The following CD5L variants were observed in gnomAD, a reference collection of about 807,000 sequenced individuals.
The protein encoded by CD5L is CD5 molecule like.
In CD5L, 39 loss-of-function variants were observed where a neutral mutation model predicts 40.8. The observed-to-expected ratio is 0.96, with a 90% CI of 0.74 to 1.25. CD5L has a LOEUF of 1.25. Among genes scored for constraint, CD5L ranks in the 50% most tolerant of loss-of-function variants. The pLI, the probability that CD5L is intolerant of heterozygous loss-of-function variation, is 0.00. For synonymous variants in CD5L, 192 were observed against 169.6 expected (o/e 1.13, Z -1.03); for missense variants, 433 against 435.9 (o/e 0.99, Z 0.06).
At chr1:157,837,935 C>T (rs569362031) in intron 2 of CD5L, among the ~76,000 whole-genome samples, 9 of 152,132 alleles carry the variant, frequency 5.9e-5, no homozygotes, top group African/African-American at 2.2e-4. Context: ...GCCACCACAC[C>T]TGGCTAATTT....
At chr1:157,839,291 T>C in intron 2 of CD5L, 93 bp downstream of exon 2, 1 of 1,266,320 alleles carries the variant, frequency 7.9e-7, no homozygotes, top group Non-Finnish European at 1.2e-6. Context: ...TGGGCCTGTT[T>C]TGAACAAGTC....
At chr1:157,840,700 T>C (rs1439366986) in intron 1 of CD5L, among the ~76,000 whole-genome samples, 3 of 152,154 alleles carry the variant, frequency 2.0e-5, no homozygotes, top group Non-Finnish European at 4.4e-5. Context: ...GCAAACGTGA[T>C]ATAGCCAGTA....
chr1:157,840,971 A>T (rs898555160), intron 1 of CD5L, among the ~76,000 whole-genome samples: 1 of 152,204 alleles, frequency 6.6e-6, no homozygotes, highest in Non-Finnish European at 1.5e-5. Context: ...ATAAAAGTGG[A>T]TGTGATTGAT....
At chr1:157,839,362 C>A in intron 2 of CD5L, 22 bp downstream of exon 2, 2 of 1,613,604 alleles carry the variant, frequency 1.2e-6, no homozygotes, top group Non-Finnish European at 1.7e-6. Flanking sequence ...GCCTCCCTCT[C>A]AGAAACCCCC....
At chr1:157,832,420 T>C (rs1557939512) in intron 5 of CD5L, among the ~76,000 whole-genome samples, 1 of 152,220 alleles carries the variant, frequency 6.6e-6, no homozygotes, top group East Asian at 1.9e-4. Flanking sequence ...TATCAGTTCT[T>C]ATCTAGTTCC....
At chr1:157,834,191 A>T (rs1247991517) in intron 4 of CD5L, among the ~76,000 whole-genome samples, 1 of 152,240 alleles carries the variant, frequency 6.6e-6, no homozygotes, top group Non-Finnish European at 1.5e-5. Context: ...ATGAGAGTTC[A>T]TGTTAATATA....
At chr1:157,832,625 A>G (rs1235676684) in intron 5 of CD5L, among the ~76,000 whole-genome samples, 1 of 152,138 alleles carries the variant, frequency 6.6e-6, no homozygotes, top group East Asian at 1.9e-4. Context: ...TAACTCTCTT[A>G]TGGGCATTCT....
intron 2 of CD5L, among the ~76,000 whole-genome samples, chr1:157,836,544 C>T (rs1272599832): frequency 1.3e-5 from 2 of 152,172 alleles, no homozygotes; most frequent in Admixed American, 1.3e-4. Context: ...GGAAAATCAT[C>T]CTCATGAAAG....
intron 1 of CD5L, among the ~76,000 whole-genome samples, chr1:157,840,910 T>C (rs1656353995): frequency 6.6e-6 from 1 of 152,132 alleles, no homozygotes; most frequent in African/African-American, 2.4e-5. Flanking sequence ...CACAAAAGTG[T>C]CCAGTTGAGA....
Position 157,831,659 on chromosome 1 carries a change from C to T in CD5L, c.*305G>A. 1 of 1,174,088 alleles carries T rather than the reference C, an allele frequency of 8.5e-7. No individual in the cohort carries two copies. 72.7% of individuals were successfully genotyped at this position (1,174,088 alleles called of 1,614,324 possible). A position where few individuals can be genotyped will look rare whatever the true frequency, so the allele number is the denominator to read the frequency against. On this transcript the variant is annotated 3_prime_UTR_variant, in exon 6 of 6. Coordinates refer to ENST00000368174, the MANE Select transcript of CD5L (RefSeq NM_005894.3). ...GACCAAAGTGACAGGTTTGAGGATT[C>T]CAGGCAGCTTGAGAAAAGGCAGGAA...
rs764766754 is a variant in CD5L at position 157,834,456 on chromosome 1, C to T, written c.669G>A (p.Trp223Ter). The T allele has an allele frequency of 2.8e-5, 45 of 1,614,070 alleles. No individual in the cohort carries two copies. The highest frequency in any genetic ancestry group is 4.0e-5 in the African/African-American group (3 of 74,936). Residue 223 changes from tryptophan (W) to a stop codon, truncating the protein, a stop_gained, in exon 4 of 6, where the codon TGG becomes TGA. Transcript: ENST00000368174. LOFTEE classifies it high-confidence loss of function. ...CATCATGGTTGCAGGTGTTCTTCCC[C>T]CAAGGCCCAGAAGGGCAATCCTGAA... is the stretch of plus-strand genomic sequence containing the variant. ...ATLQDCPSGPWGKNTCNHDED... is the reference protein window; with the variant it reads ...ATLQDCPSGP
intron 5 of CD5L, among the ~76,000 whole-genome samples, chr1:157,832,522 A>G (rs1224622280): frequency 6.6e-6 from 1 of 152,200 alleles, no homozygotes; most frequent in African/African-American, 2.4e-5. Flanking sequence ...CAGCGGCTGC[A>G]CTTGCATTTT....
downstream of CD5L, among the ~76,000 whole-genome samples, chr1:157,829,139 G>A (rs1185729825): frequency 6.6e-6 from 1 of 152,216 alleles, no homozygotes; most frequent in Non-Finnish European, 1.5e-5. Context: ...GGTTGTTAGA[G>A]GACAAGAGTA....
chr1:157,834,666 C>T lies in CD5L; in HGVS notation c.459G>A (p.Val153=), dbSNP rs1277450422. The change falls in exon 4 of 6, where the codon GTG becomes GTA. Residue 153 remains valine (V), a synonymous_variant. Coordinates refer to ENST00000368174, the MANE Select transcript of CD5L (RefSeq NM_005894.3). ...GPGHCKGRVE[V]KHQNQWYTVC... ...CGGTATACCACTGGTTCTGGTGCTT[C>T]ACTTCCACGCGTCCCTTGCAATGCC... The T allele has an allele frequency of 3.1e-6, 5 of 1,614,220 alleles. No homozygotes were observed. The highest frequency in any genetic ancestry group is 3.4e-6 in the Non-Finnish European group (4 of 1,180,036).
chr1:157,834,698 C>T lies in CD5L; in HGVS notation c.427G>A (p.Gly143Ser), dbSNP rs202024691. Reference protein sequence around the residue: ...PVPEGVRLADGPGHCKGRVEV... With the variant: ...PVPEGVRLADSPGHCKGRVEV... ...ACGCGTCCCTTGCAATGCCCAGGGC[C>T]GTCAGCCAGCCTGACACCCTCTGGG... Residue 143 changes from glycine (G) to serine (S), a missense_variant, in exon 4 of 6, where the codon GGC becomes AGC. Physicochemically the swap from Gly to Ser is moderately conservative, Grantham distance 56. Transcript: ENST00000368174. 159 of 1,614,154 alleles carry T rather than the reference C, an allele frequency of 9.9e-5. 5 individuals are homozygous for T. The South Asian group carries it at 1.7e-3, about 17-fold the overall frequency.
intron 2 of CD5L, among the ~76,000 whole-genome samples, chr1:157,837,660 T>C (rs1656255021): frequency 6.6e-6 from 1 of 152,168 alleles, no homozygotes; most frequent in Admixed American, 6.5e-5. Flanking sequence ...AGAACGTGAC[T>C]GCTGAGGACC....
At position 157,834,785 on chromosome 1, in the gene CD5L, C is replaced by T. The variant is rs968634049; in HGVS notation, c.377-37G>A. ...GAAAGAGAGCGTGTCTGTTCTCTGC[C>T]AGAACATGGTCTTCTCAGTAAAGGC... On this transcript the variant is annotated intron_variant, in intron 3 of 5. Transcript: ENST00000368174. 1.9e-6 allele frequency: 3 copies of T among 1,539,988 alleles called. No individual in the cohort carries two copies. In the South Asian group the frequency reaches 3.4e-5, roughly 18 times the overall value.
intron 2 of CD5L, among the ~76,000 whole-genome samples, chr1:157,837,864 C>T (rs1020415000): frequency 6.6e-6 from 1 of 150,926 alleles, no homozygotes; most frequent in African/African-American, 2.4e-5. Context: ...CAAGCTTCGC[C>T]TCCTGGGTTC....
intron 2 of CD5L, among the ~76,000 whole-genome samples, chr1:157,837,930 C>G (rs1365345788): frequency 6.6e-6 from 1 of 151,992 alleles, no homozygotes; most frequent in Non-Finnish European, 1.5e-5. Context: ...CGCCAGCCAC[C>G]ACACCTGGCT....
Sources: gnomAD v4.1 joint callset for allele counts (sites outside exome capture counted in the v4.1 genomes callset) on GRCh38, gnomAD v4.1.1 for gene constraint, MANE v1.5 for transcripts, NCBI Gene and HGNC (gene_info 2026-07-23, HGNC 2026-07-21) for gene names.